The following AKAP19 variants were observed in gnomAD, a reference collection of about 807,000 sequenced individuals.
The protein encoded by AKAP19 is small A-kinase anchoring protein.
At chr2:189,984,949 C>G in the AKAP19 span, among the ~76,000 whole-genome samples, 1 of 152,008 alleles carries the variant, frequency 6.6e-6, no homozygotes, top group Non-Finnish European at 1.5e-5. Context: ...CAGTTCAGCT[C>G]TGAGAGGAGT....
the AKAP19 span, among the ~76,000 whole-genome samples, chr2:190,097,381 T>C: frequency 6.6e-6 from 1 of 152,188 alleles, no homozygotes; most frequent in Non-Finnish European, 1.5e-5. Flanking sequence ...TAGATATTGA[T>C]GGCAGCTGAC....
chr2:189,894,884 C>A, the AKAP19 span, among the ~76,000 whole-genome samples: 18 of 151,018 alleles, frequency 1.2e-4, no homozygotes, highest in Admixed American at 1.3e-4. Context: ...AATGTAAAGG[C>A]CATACTTAAA....
the AKAP19 span, among the ~76,000 whole-genome samples, chr2:189,974,918 T>C: frequency 1.3e-5 from 2 of 152,194 alleles, no homozygotes; most frequent in Non-Finnish European, 1.5e-5. Flanking sequence ...CACTGATGGG[T>C]CTTGACTCTT....
At chr2:190,115,297 ATATATTTTT>A in the AKAP19 span, among the ~76,000 whole-genome samples, 1 of 7,726 alleles carries the variant, frequency 1.3e-4, no homozygotes, top group Non-Finnish European at 2.2e-4. Flanking sequence ...ATATATATAT[ATATATTTTT>A]TTTTTTTTTT....
the AKAP19 span, chr2:189,917,549 T>C: frequency 1.9e-6 from 1 of 538,560 alleles, no homozygotes. Flanking sequence ...GAGCTCTTAC[T>C]CTTCTTTCTT....
the AKAP19 span, among the ~76,000 whole-genome samples, chr2:190,020,600 C>G: frequency 6.6e-6 from 1 of 152,070 alleles, no homozygotes; most frequent in Non-Finnish European, 1.5e-5. Flanking sequence ...GTTATCTATT[C>G]TCTTTAACCT....
chr2:190,046,234 C>T, the AKAP19 span, among the ~76,000 whole-genome samples: 1 of 152,102 alleles, frequency 6.6e-6, no homozygotes, highest in Non-Finnish European at 1.5e-5. Context: ...TCTAGTCAGC[C>T]ATCTTGGCCA....
chr2:190,046,214 C>T, the AKAP19 span, among the ~76,000 whole-genome samples: 1 of 152,094 alleles, frequency 6.6e-6, no homozygotes, highest in Non-Finnish European at 1.5e-5. Context: ...AGTCATGCAC[C>T]TTAGCTGCTT....
the AKAP19 span, among the ~76,000 whole-genome samples, chr2:190,045,790 G>A: frequency 5.3e-5 from 8 of 152,162 alleles, no homozygotes; most frequent in South Asian, 2.1e-4. Context: ...TAGTATGTAC[G>A]GGGGTCTAAA....
At chr2:190,171,297 G>A in the AKAP19 span, among the ~76,000 whole-genome samples, 5 of 151,634 alleles carry the variant, frequency 3.3e-5, no homozygotes, top group African/African-American at 1.2e-4. Context: ...GGTGAAGGAA[G>A]GCCTGAAAAT....
chr2:190,024,345 T>A, the AKAP19 span, among the ~76,000 whole-genome samples: 2 of 150,628 alleles, frequency 1.3e-5, no homozygotes, highest in African/African-American at 4.9e-5. Flanking sequence ...TATATATGTG[T>A]GTGTGTATAT....
At chr2:189,972,250 T>A in the AKAP19 span, among the ~76,000 whole-genome samples, 8 of 152,074 alleles carry the variant, frequency 5.3e-5, no homozygotes, top group Non-Finnish European at 8.8e-5. Context: ...TCCTTTCCCC[T>A]TTTCTTGTTT....
chr2:190,112,540 T>C, the AKAP19 span, among the ~76,000 whole-genome samples: 4 of 152,214 alleles, frequency 2.6e-5, no homozygotes, highest in East Asian at 1.9e-4. Context: ...TTTTGATAGA[T>C]AACTATCAAA....
chr2:189,915,800 T>G, the AKAP19 span, among the ~76,000 whole-genome samples: 2 of 152,170 alleles, frequency 1.3e-5, no homozygotes, highest in African/African-American at 2.4e-5. Context: ...TTGCAAGCTG[T>G]CTAAAATATA....
the AKAP19 span, among the ~76,000 whole-genome samples, chr2:189,898,404 A>AT: frequency 6.6e-5 from 10 of 151,292 alleles, no homozygotes; most frequent in South Asian, 2.1e-4. Context: ...AAAGGCTTCT[A>AT]TTTTTTTTTA....
chr2:189,973,824 G>A, the AKAP19 span, among the ~76,000 whole-genome samples: 1 of 152,058 alleles, frequency 6.6e-6, no homozygotes, highest in Non-Finnish European at 1.5e-5. Flanking sequence ...GGGATTGGTG[G>A]TGATATCCCC....
the AKAP19 span, among the ~76,000 whole-genome samples, chr2:190,034,008 G>T: frequency 6.6e-6 from 1 of 152,024 alleles, no homozygotes; most frequent in African/African-American, 2.4e-5. Flanking sequence ...AGACATTATG[G>T]TGTATTTATG....
the AKAP19 span, among the ~76,000 whole-genome samples, chr2:189,942,515 C>T: frequency 6.6e-6 from 1 of 152,080 alleles, no homozygotes; most frequent in South Asian, 2.1e-4. Flanking sequence ...TGGGGCTTTA[C>T]TATAAAGGTA....
At chr2:189,986,545 G>C in the AKAP19 span, among the ~76,000 whole-genome samples, 1 of 152,086 alleles carries the variant, frequency 6.6e-6, no homozygotes, top group African/African-American at 2.4e-5. Flanking sequence ...GGGGCATTTG[G>C]CTTAGCAAAA....
Sources: allele counts gnomAD v4.1 joint callset (sites outside exome capture counted in the v4.1 genomes callset), GRCh38; gene constraint gnomAD v4.1.1; transcripts MANE v1.5; gene names NCBI Gene and HGNC (gene_info 2026-07-23, HGNC 2026-07-21).